Variants in WTAP observed in about 807,000 individuals in gnomAD.
The protein encoded by WTAP is WT1 associated protein, also known as pre-mRNA-splicing regulator WTAP.
Under a neutral mutation model 50.0 loss-of-function variants are expected in WTAP, and 8 were observed. The ratio of observed to expected loss-of-function variants is 0.16; its 90% CI spans 0.09 to 0.29. The LOEUF (loss-of-function observed/expected upper bound fraction) is 0.29, where lower values mean the gene tolerates loss of function less well. WTAP is among the 10% of genes least tolerant of loss of function. The probability of loss-of-function intolerance (pLI) is 1.00; values close to 1 mark genes in which losing one functional copy is unlikely to be tolerated. For synonymous variants in WTAP, 194 were observed against 169.0 expected, an observed-to-expected ratio of 1.15 and a Z score of -1.15; for missense variants, 295 against 470.7, an observed-to-expected ratio of 0.63 and a Z score of 3.45.
At chr6:159,729,162 C>G (rs1463305897) in intron 1 of WTAP, among the ~76,000 whole-genome samples, 5 of 152,132 alleles carry the variant, frequency 3.3e-5, no homozygotes, top group Non-Finnish European at 7.4e-5. Context: ...CTCTTATGGT[C>G]TTGTATGTAG....
At chr6:159,727,431 G>C (rs1390741285), upstream of WTAP, 7 of 1,161,500 alleles carry the variant, frequency 6.0e-6, no homozygotes, top group Admixed American at 7.0e-5. Flanking sequence ...CGGCGCGTTC[G>C]GACCGGCTGT....
intron 1 of WTAP, among the ~76,000 whole-genome samples, 161 bp downstream of exon 1, chr6:159,727,864 G>T (rs549926362): frequency 3.9e-5 from 6 of 152,230 alleles, no homozygotes; most frequent in Non-Finnish European, 7.3e-5. Context: ...CTTCCCGCCT[G>T]CGGGGAACAC....
chr6:159,732,850 TTCTC>T (rs146820451), intron 1 of WTAP, among the ~76,000 whole-genome samples: 11,519 of 147,610 alleles, frequency 0.078, 620 homozygotes, highest in African/African-American at 0.14. Flanking sequence ...GTCTGCTTCT[TTCTC>T]TCTCTCTCTC....
intron 6 of WTAP, among the ~76,000 whole-genome samples, chr6:159,752,539 C>A (rs1404597642): frequency 1.3e-5 from 2 of 152,126 alleles, no homozygotes; most frequent in Non-Finnish European, 2.9e-5. Flanking sequence ...AAACTATAAT[C>A]TGTGGAAAGT....
intron 7 of WTAP, among the ~76,000 whole-genome samples, chr6:159,753,964 A>G (rs1779914125): frequency 1.3e-5 from 2 of 152,196 alleles, no homozygotes; most frequent in Non-Finnish European, 2.9e-5. Flanking sequence ...GTTAAGTGTA[A>G]ATCTTAGAAA....
chr6:159,740,951 C>T (rs148096727), intron 3 of WTAP, among the ~76,000 whole-genome samples: 133 of 152,270 alleles, frequency 8.7e-4, no homozygotes, highest in Middle Eastern at 6.8e-3. Flanking sequence ...ATCTGCCCGC[C>T]TCGGCCTCCC....
intron 4 of WTAP, 123 bp downstream of exon 4, chr6:159,742,269 C>T: frequency 1.3e-6 from 1 of 749,180 alleles, no homozygotes; most frequent in South Asian, 1.9e-5. Context: ...AAGAACTGTA[C>T]ATAGGCACTG....
At chr6:159,727,198 G>A (rs933416552), upstream of WTAP, 4 of 1,235,676 alleles carry the variant, frequency 3.2e-6, no homozygotes, top group African/African-American at 4.7e-5. Context: ...GAGTGTTACC[G>A]GGGAGCAGCT....
chr6:159,727,307 C>CG, upstream of WTAP: 1 of 1,279,116 alleles, frequency 7.8e-7, no homozygotes, highest in South Asian at 1.2e-5. Flanking sequence ...CGAGTGACTG[C>CG]GGCCACGCCT....
rs139189510 is a variant in WTAP, at chr6:159,734,790, A to G, written c.-8-1468A>G. ...ACCCTGATTCAATTTTTTAATCCTC[A>G]TAGAATTTTTATATAAAGATTTTAT... On this transcript the variant is annotated intron_variant, in intron 1 of 7. Coordinates refer to ENST00000621533, the MANE Select transcript of WTAP (RefSeq NM_001270531.2). 2.0e-5 allele frequency among the ~76,000 whole-genome samples: 3 copies of G among 152,250 alleles called. No individual in the cohort carries two copies. In the East Asian group the frequency reaches 5.8e-4, roughly 29 times the overall value.
Position 159,756,175 on chromosome 6 carries a change from A to G in WTAP, c.*564A>G, listed in dbSNP as rs1780007109. On this transcript the variant is annotated 3_prime_UTR_variant, in exon 8 of 8. Transcript: ENST00000621533. ...CCATACATCTGTGCATTTTCTCTTT[A>G]GGTGACTGTTTAAGAAATTTGTGTG... 1 of 152,882 alleles carries G rather than the reference A, an allele frequency of 6.5e-6. No individual in the cohort carries two copies. Among genetic ancestry groups the G allele is most frequent in the Non-Finnish European group, 1.5e-5 (1 of 68,238 alleles). The allele number at this position is 152,882 out of a possible 1,614,324, so 9.5% of individuals were successfully genotyped here.
chr6:159,736,478 A>G (rs1778924921), intron 2 of WTAP, 183 bp downstream of exon 2: 1 of 457,994 alleles, frequency 2.2e-6, no homozygotes. Flanking sequence ...TCTTATATCC[A>G]GTATATTTTT....
intron 1 of WTAP, among the ~76,000 whole-genome samples, chr6:159,731,822 C>A (rs1208306351): frequency 6.6e-6 from 1 of 152,134 alleles, no homozygotes; most frequent in Non-Finnish European, 1.5e-5. Flanking sequence ...AAGTTGACAA[C>A]CTGTTTCAGA....
intron 1 of WTAP, among the ~76,000 whole-genome samples, chr6:159,730,332 C>T (rs1162005220): frequency 6.6e-6 from 1 of 152,134 alleles, no homozygotes; most frequent in Non-Finnish European, 1.5e-5. Context: ...ATGTTATGGT[C>T]ATTCTGTTTT....
chr6:159,733,752 A>T (rs1778733319), intron 1 of WTAP, among the ~76,000 whole-genome samples: 1 of 152,066 alleles, frequency 6.6e-6, no homozygotes, highest in South Asian at 2.1e-4. Flanking sequence ...CGTCTCTACT[A>T]AAAATACAAG....
chr6:159,730,777 G>T (rs1222172895), intron 1 of WTAP: 2 of 152,148 alleles, frequency 1.3e-5, no homozygotes, highest in Non-Finnish European at 2.9e-5. Flanking sequence ...AGGAAGTGTA[G>T]ACATTTATCC....
chr6:159,744,998 CCTT>C, intron 5 of WTAP: 1 of 152,198 alleles, frequency 6.6e-6, no homozygotes, highest in Non-Finnish European at 1.5e-5. Context: ...ATTTTCTCTA[CCTT>C]CTTAACACAT....
rs1324646425 is a variant in WTAP, at chr6:159,727,585, C to T, written c.-127C>T. 1.0e-6 allele frequency: 1 copy of T among 986,692 alleles called. No individual in the cohort carries two copies. The highest frequency in any genetic ancestry group is 4.6e-5 in the South Asian group (1 of 21,962). 61.1% of individuals were successfully genotyped at this position (986,692 alleles called of 1,614,324 possible). A position where few individuals can be genotyped will look rare whatever the true frequency, so the allele number is the denominator to read the frequency against. ...GGTTGCGGCGGGACTAGGAGCGCGG[C>T]GGGGCCGGCGGCAGAGCTGTCCGGC... On this transcript the variant is annotated 5_prime_UTR_variant, in exon 1 of 8. Coordinates refer to ENST00000621533, the MANE Select transcript of WTAP (RefSeq NM_001270531.2).
chr6:159,727,745 C>T, intron 1 of WTAP, 42 bp downstream of exon 1: 2 of 984,068 alleles, frequency 2.0e-6, no homozygotes, highest in Non-Finnish European at 2.4e-6. Flanking sequence ...CGGGGGACCT[C>T]CGGGGCCTGA....
Sources: allele counts gnomAD v4.1 joint callset (sites outside exome capture counted in the v4.1 genomes callset), GRCh38; gene constraint gnomAD v4.1.1; transcripts MANE v1.5; gene names NCBI Gene and HGNC (gene_info 2026-07-23, HGNC 2026-07-21).